The following PTH2R variants were observed in gnomAD, a reference collection of about 807,000 sequenced individuals.
PTH2R encodes parathyroid hormone 2 receptor, also known as PTH2 receptor.
A neutral mutation model predicts 60.3 loss-of-function variants in PTH2R; 59 were observed. The observed-to-expected ratio is 0.98, with a 90% CI of 0.79 to 1.22. The LOEUF (loss-of-function observed/expected upper bound fraction) is 1.22. PTH2R is among the 50% of genes most tolerant of loss of function. PTH2R has a pLI of 0.00. For missense variants in PTH2R, 749 were observed against 682.6 expected (o/e 1.10, Z -1.08); for synonymous variants, 256 against 243.8 (o/e 1.05, Z -0.47).
chr2:208,405,642 A>G (rs1701387633), upstream of PTH2R, among the ~76,000 whole-genome samples: 1 of 152,122 alleles, frequency 6.6e-6, no homozygotes, highest in African/African-American at 2.4e-5. Context: ...CTTGGACTTT[A>G]TGTTTGTTTA....
Position 208,443,410 on chromosome 2 carries a change from C to A in PTH2R, c.572C>A (p.Ala191Asp). ...MHLFVSFMLR[A>D]TSIFVKDRVV... The stretch of plus-strand genomic sequence containing the variant: ...TTATTTGTGTCTTTCATGCTGAGAG[C>A]TACAAGCATCTTTGTCAAAGACAGA... Residue 191 changes from alanine (A) to aspartate (D), a missense_variant, in exon 6 of 13, where the codon GCT (alanine) becomes GAT (aspartate). Transcript: ENST00000272847. The A allele has an allele frequency of 6.2e-7, 1 of 1,613,048 alleles. No homozygotes were observed. Among genetic ancestry groups the A allele is most frequent in the Non-Finnish European group, 8.5e-7 (1 of 1,179,492 alleles).
chr2:208,361,773 T>A (rs75291357), intron 1 of PTH2R, among the ~76,000 whole-genome samples: 10,049 of 151,220 alleles, frequency 0.066, 705 homozygotes, highest in African/African-American at 0.18. Context: ...TTTTTTTTTT[T>A]AAAAAAAAGG....
chr2:208,370,646 CAGCACCT>C (rs1445291608), intron 1 of PTH2R, among the ~76,000 whole-genome samples: 1 of 151,824 alleles, frequency 6.6e-6, no homozygotes, highest in Non-Finnish European at 1.5e-5. Context: ...TCTTACCTCC[CAGCACCT>C]AATATGAGTC....
intron 7 of PTH2R, among the ~76,000 whole-genome samples, chr2:208,447,205 C>A (rs963608132): frequency 6.6e-6 from 1 of 152,118 alleles, no homozygotes; most frequent in African/African-American, 2.4e-5. Context: ...CCCCTGGCCT[C>A]AAGCAATCCT....
At chr2:208,459,447 A>G (rs182263799) in intron 8 of PTH2R, among the ~76,000 whole-genome samples, 168 of 152,294 alleles carry the variant, frequency 1.1e-3, no homozygotes, top group African/African-American at 2.9e-3. Context: ...AATAAGAATA[A>G]CTTGCATTAT....
At chr2:208,481,035 A>G (rs1703134356) in intron 9 of PTH2R, 35 bp from the exon 10 acceptor site, 1 of 1,395,288 alleles carries the variant, frequency 7.2e-7, no homozygotes, top group African/African-American at 1.5e-5. Context: ...TTGAAGACTA[A>G]CAATAATTCT....
intron 9 of PTH2R, among the ~76,000 whole-genome samples, chr2:208,464,573 G>T (rs914829273): frequency 1.3e-5 from 2 of 152,194 alleles, no homozygotes; most frequent in African/African-American, 2.4e-5. Context: ...CAAATGTGTC[G>T]CAGTAGTTAC....
At chr2:208,377,570 G>A (rs1487844481) in intron 1 of PTH2R, among the ~76,000 whole-genome samples, 4 of 147,046 alleles carry the variant, frequency 2.7e-5, no homozygotes, top group Non-Finnish European at 6.0e-5. Flanking sequence ...CCTCTGGGAC[G>A]GGGCGGCTGG....
At chr2:208,381,803 A>G (rs186156934) in intron 1 of PTH2R, among the ~76,000 whole-genome samples, 4 of 152,242 alleles carry the variant, frequency 2.6e-5, no homozygotes, top group Admixed American at 2.6e-4. Flanking sequence ...TAATCAAAAG[A>G]GAGATTATCT....
At chr2:208,491,070 G>A (rs1703394783) in intron 12 of PTH2R, among the ~76,000 whole-genome samples, 1 of 152,112 alleles carries the variant, frequency 6.6e-6, no homozygotes, top group Non-Finnish European at 1.5e-5. Flanking sequence ...TGAACTATAA[G>A]ATGATGATGG....
intron 9 of PTH2R, among the ~76,000 whole-genome samples, chr2:208,474,354 A>T (rs951034279): frequency 1.3e-5 from 2 of 152,210 alleles, no homozygotes; most frequent in African/African-American, 4.8e-5. Context: ...TAGTAGTGAT[A>T]TAAGCTTATC....
chr2:208,480,259 G>A (rs35816833), intron 9 of PTH2R, among the ~76,000 whole-genome samples: 5,129 of 152,272 alleles, frequency 0.034, 86 homozygotes, highest in Middle Eastern at 0.061. Flanking sequence ...GCTCTGGCAG[G>A]GACAAGTGCC....
chr2:208,365,218 C>A (rs1183025404), intron 1 of PTH2R, among the ~76,000 whole-genome samples: 1 of 152,064 alleles, frequency 6.6e-6, no homozygotes, highest in African/African-American at 2.4e-5. Flanking sequence ...ATAGAAGTGT[C>A]CAGAACAGAC....
intron 1 of PTH2R, among the ~76,000 whole-genome samples, chr2:208,393,902 C>T (rs1282502079): frequency 6.6e-6 from 1 of 152,010 alleles, no homozygotes; most frequent in African/African-American, 2.4e-5. Flanking sequence ...GCTGGTAGAG[C>T]TGGAGGAGTG....
At chr2:208,456,103 G>C (rs150618445) in intron 8 of PTH2R, among the ~76,000 whole-genome samples, 2 of 151,972 alleles carry the variant, frequency 1.3e-5, no homozygotes, top group African/African-American at 4.8e-5. Flanking sequence ...TTAGCTGGGC[G>C]TGGTGGTGCG....
intron 9 of PTH2R, among the ~76,000 whole-genome samples, chr2:208,462,407 G>A (rs1702651772): frequency 6.6e-6 from 1 of 152,172 alleles, no homozygotes; most frequent in South Asian, 2.1e-4. Context: ...GCTCCTAGGA[G>A]AGAGATTTGG....
At chr2:208,402,007 G>A (rs1298472837), upstream of PTH2R, among the ~76,000 whole-genome samples, 2 of 152,162 alleles carry the variant, frequency 1.3e-5, no homozygotes, top group African/African-American at 4.8e-5. Flanking sequence ...GCCATTTGGT[G>A]GCACATGACT....
chr2:208,379,861 A>G (rs1049629405), intron 1 of PTH2R, among the ~76,000 whole-genome samples: 5 of 145,104 alleles, frequency 3.4e-5, no homozygotes, highest in Non-Finnish European at 6.1e-5. Flanking sequence ...CTCTGTCTTG[A>G]AAAAAAAAAA....
intron 1 of PTH2R, among the ~76,000 whole-genome samples, chr2:208,389,251 C>T (rs1701062934): frequency 6.6e-6 from 1 of 151,780 alleles, no homozygotes; most frequent in South Asian, 2.1e-4. Context: ...CACACACACA[C>T]ACACACACAC....
Sources: allele counts gnomAD v4.1 joint callset (sites outside exome capture counted in the v4.1 genomes callset), GRCh38; gene constraint gnomAD v4.1.1; transcripts MANE v1.5; gene names NCBI Gene and HGNC (gene_info 2026-07-23, HGNC 2026-07-21).